Variants in NCOA2 observed in about 807,000 individuals in gnomAD.
NCOA2 encodes the protein nuclear receptor coactivator 2, also known as class E basic helix-loop-helix protein 75.
Under a neutral mutation model 145.1 loss-of-function variants are expected in NCOA2, and 21 were observed. That is an observed-to-expected ratio of 0.14 (90% CI 0.10 to 0.21). The LOEUF (loss-of-function observed/expected upper bound fraction) is 0.21, where lower values mean the gene tolerates loss of function less well. NCOA2 is among the 10% of genes least tolerant of loss of function. The probability of loss-of-function intolerance (pLI) is 1.00; values close to 1 mark genes in which losing one functional copy is unlikely to be tolerated. For synonymous variants in NCOA2, 619 were observed against 637.5 expected (o/e 0.97, Z 0.44); for missense variants, 1,472 against 1,837.6 (o/e 0.80, Z 3.64).
At chr8:70,311,224 ACATAC>A (rs1411986511) in intron 1 of NCOA2, among the ~76,000 whole-genome samples, 1 of 152,194 alleles carries the variant, frequency 6.6e-6, no homozygotes, top group Non-Finnish European at 1.5e-5. Flanking sequence ...TCACAAAGAA[ACATAC>A]CTGCCCTTTT....
At chr8:70,360,086 A>G (rs766319071) in intron 1 of NCOA2, among the ~76,000 whole-genome samples, 3 of 152,182 alleles carry the variant, frequency 2.0e-5, no homozygotes, top group Admixed American at 6.5e-5. Flanking sequence ...CAAATGCAGT[A>G]TTTTTTATTT....
intron 2 of NCOA2, chr8:70,273,967 C>T: frequency 2.8e-6 from 1 of 360,736 alleles, no homozygotes; most frequent in Non-Finnish European, 5.4e-6. Context: ...AAATCTAGAT[C>T]TCTAATATTT....
In NCOA2 at chr8:70,138,410, T is replaced by C. The variant is rs1809992067; in HGVS notation, c.3029-78A>G. ...TTCTGCTATGTAATATAAAGTGAAATGTCTGGTTTATGAAAAAGGGAAAAC... is the reference window on the plus strand; with the variant it reads ...TTCTGCTATGTAATATAAAGTGAAACGTCTGGTTTATGAAAAAGGGAAAAC... On this transcript the variant is annotated intron_variant, in intron 14 of 22. Coordinates refer to ENST00000452400, the MANE Select transcript of NCOA2 (RefSeq NM_006540.4). 5 of 1,352,572 alleles carry C rather than the reference T, an allele frequency of 3.7e-6. No individual in the cohort carries two copies. The South Asian group carries it at 8.2e-5, about 22-fold the overall frequency. The allele number at this position is 1,352,572 out of a possible 1,614,324, so 83.8% of individuals were successfully genotyped here.
upstream of NCOA2, among the ~76,000 whole-genome samples, chr8:70,407,084 G>A (rs1814794249): frequency 6.6e-6 from 1 of 152,200 alleles, no homozygotes; most frequent in Admixed American, 6.5e-5. Context: ...CAGCTAATAT[G>A]TAGCACAGTT....
At chr8:70,449,208 C>T in the NCOA2 span, among the ~76,000 whole-genome samples, 2 of 152,174 alleles carry the variant, frequency 1.3e-5, no homozygotes, top group Non-Finnish European at 2.9e-5. Flanking sequence ...TATCAAAAAT[C>T]TCTTCTCTAA....
At chr8:70,345,442 G>A (rs929318180) in intron 1 of NCOA2, among the ~76,000 whole-genome samples, 2 of 152,102 alleles carry the variant, frequency 1.3e-5, no homozygotes, top group Non-Finnish European at 2.9e-5. Flanking sequence ...AGGGGTCTGA[G>A]GGATTACAAA....
At chr8:70,398,311 T>C (rs1226118308) in intron 1 of NCOA2, among the ~76,000 whole-genome samples, 1 of 151,886 alleles carries the variant, frequency 6.6e-6, no homozygotes, top group Non-Finnish European at 1.5e-5. Flanking sequence ...TATCAAAAAT[T>C]AGCTAGGCGT....
intron 16 of NCOA2, among the ~76,000 whole-genome samples, chr8:70,130,770 G>A (rs1214723632): frequency 1.3e-5 from 2 of 152,176 alleles, no homozygotes; most frequent in Non-Finnish European, 2.9e-5. Context: ...ACACTGGCAG[G>A]TACTTTTTGG....
intron 1 of NCOA2, among the ~76,000 whole-genome samples, chr8:70,297,424 C>T (rs1827173488): frequency 6.6e-6 from 1 of 152,176 alleles, no homozygotes; most frequent in South Asian, 2.1e-4. Flanking sequence ...ACCTCAAACT[C>T]GTAGGCTCAG....
At chr8:70,449,378 T>G in the NCOA2 span, among the ~76,000 whole-genome samples, 1 of 152,168 alleles carries the variant, frequency 6.6e-6, no homozygotes, top group South Asian at 2.1e-4. Flanking sequence ...GATGGCACAT[T>G]CAAATTACAA....
chr8:70,321,219 A>G (rs1433534334), intron 1 of NCOA2, among the ~76,000 whole-genome samples: 2 of 152,224 alleles, frequency 1.3e-5, no homozygotes, highest in Non-Finnish European at 2.9e-5. Flanking sequence ...ACACATCAAA[A>G]TTCTTAAATT....
intron 1 of NCOA2, among the ~76,000 whole-genome samples, chr8:70,324,860 A>G (rs1806411246): frequency 6.6e-6 from 1 of 152,140 alleles, no homozygotes; most frequent in Non-Finnish European, 1.5e-5. Context: ...ATTCACTCTG[A>G]TCTTTTTAAA....
At chr8:70,452,509 C>T in the NCOA2 span, among the ~76,000 whole-genome samples, 2 of 151,894 alleles carry the variant, frequency 1.3e-5, no homozygotes, top group African/African-American at 4.8e-5. Context: ...CAAATCCATA[C>T]AAAACAAAAG....
intron 1 of NCOA2, among the ~76,000 whole-genome samples, chr8:70,331,995 G>A (rs985142918): frequency 6.6e-6 from 1 of 152,044 alleles, no homozygotes; most frequent in Non-Finnish European, 1.5e-5. Flanking sequence ...TGTTACATGC[G>A]CTCCTTTATT....
intron 2 of NCOA2, among the ~76,000 whole-genome samples, chr8:70,263,164 C>CTAGT (rs1353090866): frequency 6.8e-6 from 1 of 146,752 alleles, no homozygotes; most frequent in Non-Finnish European, 1.5e-5. Context: ...ACTAGCACTG[C>CTAGT]GATACCTAGA....
At chr8:70,338,617 T>C (rs1807846242) in intron 1 of NCOA2, among the ~76,000 whole-genome samples, 1 of 152,040 alleles carries the variant, frequency 6.6e-6, no homozygotes, top group Non-Finnish European at 1.5e-5. Context: ...ATACCAAAAC[T>C]TGGCAGAAAT....
intron 1 of NCOA2, among the ~76,000 whole-genome samples, chr8:70,352,468 A>T (rs532245991): frequency 1.8e-4 from 28 of 152,324 alleles, no homozygotes; most frequent in Non-Finnish European, 2.2e-4. Context: ...CACAACAGTT[A>T]AAGTTCTACC....
chr8:70,132,043 T>C, intron 15 of NCOA2, 41 bp from the exon 16 acceptor site: 1 of 1,575,516 alleles, frequency 6.3e-7, no homozygotes, highest in South Asian at 1.2e-5. Context: ...ATGGAAAAGC[T>C]AGTTGATTAG....
At chr8:70,174,716 C>T (rs372366987) in intron 5 of NCOA2, 40 bp downstream of exon 5, 46 of 1,535,958 alleles carry the variant, frequency 3.0e-5, no homozygotes, top group Admixed American at 1.2e-4. Context: ...TGAAGATCAA[C>T]AAGATTTTAA....
Sources: allele counts gnomAD v4.1 joint callset (sites outside exome capture counted in the v4.1 genomes callset), GRCh38; gene constraint gnomAD v4.1.1; transcripts MANE v1.5; gene names NCBI Gene and HGNC (gene_info 2026-07-23, HGNC 2026-07-21).